Variants in ABCC4 observed in about 807,000 individuals in gnomAD.
The protein encoded by ABCC4 is ATP binding cassette subfamily C member 4 (PEL blood group).
In ABCC4, 102 loss-of-function variants were observed where a neutral mutation model predicts 168.5. That is an observed-to-expected ratio of 0.61 (90% confidence interval 0.52 to 0.71). ABCC4 has a LOEUF of 0.71. Among genes scored for constraint, ABCC4 ranks in the 30% least tolerant of loss-of-function variants. ABCC4 has a pLI of 0.00. For synonymous variants in ABCC4, 617 were observed against 590.7 expected (o/e 1.04, Z -0.65); for missense variants, 1,402 against 1,605.8 (o/e 0.87, Z 2.17).
intron 6 of ABCC4, among the ~76,000 whole-genome samples, chr13:95,208,155 G>A (rs1354941656): frequency 1.3e-5 from 2 of 152,152 alleles, no homozygotes. Context: ...TGCTGAGGAA[G>A]ACATGAAAAT....
At chr13:95,255,931 C>T (rs1214003741) in intron 1 of ABCC4, among the ~76,000 whole-genome samples, 3 of 152,028 alleles carry the variant, frequency 2.0e-5, no homozygotes, top group African/African-American at 7.2e-5. Flanking sequence ...AGGGCCCTCA[C>T]TTTATAATCC....
intron 3 of ABCC4, among the ~76,000 whole-genome samples, chr13:95,242,703 T>C (rs2039981575): frequency 6.6e-6 from 1 of 152,146 alleles, no homozygotes; most frequent in African/African-American, 2.4e-5. Flanking sequence ...GCTTTAATGA[T>C]TGAAAACCCA....
chr13:95,299,944 C>T (rs565840053), intron 1 of ABCC4, among the ~76,000 whole-genome samples: 4 of 152,298 alleles, frequency 2.6e-5, no homozygotes, highest in African/African-American at 9.6e-5. Context: ...TGGGTTCAAG[C>T]AATTCCCCTG....
chr13:95,021,401 A>G lies in ABCC4; in HGVS notation c.*174T>C. ...ACTATTGACATTTAAATAAAAATAA[A>G]CCATTTTGTTAGAGCTGGAGATCCT... On this transcript the variant is annotated 3_prime_UTR_variant, in exon 31 of 31. Transcript: ENST00000645237. The G allele has an allele frequency of 1.8e-6, 1 of 543,914 alleles. No individual in the cohort carries two copies. Among genetic ancestry groups the G allele is most frequent in the Non-Finnish European group, 3.3e-6 (1 of 307,530 alleles). 33.7% of individuals were successfully genotyped at this position (543,914 alleles called of 1,614,324 possible). A position where few individuals can be genotyped will look rare whatever the true frequency, so the allele number is the denominator to read the frequency against.
intron 1 of ABCC4, among the ~76,000 whole-genome samples, chr13:95,271,722 C>T (rs2040852375): frequency 6.6e-6 from 1 of 152,140 alleles, no homozygotes; most frequent in South Asian, 2.1e-4. Flanking sequence ...ATTTATATAA[C>T]AAACAGACAT....
At chr13:95,128,639 A>G (rs1021979272) in intron 19 of ABCC4, among the ~76,000 whole-genome samples, 1 of 152,108 alleles carries the variant, frequency 6.6e-6, no homozygotes, top group Non-Finnish European at 1.5e-5. Context: ...CTCAGAACCT[A>G]CCTTTCACCC....
chr13:95,270,521 C>T lies in ABCC4; in HGVS notation c.75-22768G>A, dbSNP rs533983283. ...GCACAGGGTTTGACTTTATTACCCA[C>T]CTCCTTTGCAGTTTGGTGAGACCCT... On this transcript the variant is annotated intron_variant, in intron 1 of 30. Transcript: ENST00000645237. Among the ~76,000 whole-genome samples, 4 of 152,296 alleles carry T rather than the reference C, an allele frequency of 2.6e-5. No individual in the cohort carries two copies. In the East Asian group the frequency reaches 7.7e-4, roughly 29 times the overall value.
At chr13:95,258,881 G>T (rs1194982889) in intron 1 of ABCC4, among the ~76,000 whole-genome samples, 4 of 152,196 alleles carry the variant, frequency 2.6e-5, no homozygotes, top group African/African-American at 9.7e-5. Context: ...GTACTTTCAG[G>T]TGTGGCAAAT....
At chr13:95,159,093 T>TTATATATATATATATATATATA (rs554884258) in intron 19 of ABCC4, among the ~76,000 whole-genome samples, 5 of 61,028 alleles carry the variant, frequency 8.2e-5, no homozygotes, top group East Asian at 8.1e-4. Context: ...TAAATAAATT[T>TTATATATATATATATATATATA]TATATATATA....
intron 30 of ABCC4, among the ~76,000 whole-genome samples, chr13:95,023,500 G>A (rs1251424245): frequency 1.3e-5 from 2 of 152,176 alleles, no homozygotes; most frequent in Non-Finnish European, 2.9e-5. Context: ...GGATAGACAG[G>A]TCCAGTCTCA....
intron 13 of ABCC4, among the ~76,000 whole-genome samples, chr13:95,171,435 T>TAGTC (rs2037471930): frequency 6.6e-6 from 1 of 151,580 alleles, no homozygotes; most frequent in Non-Finnish European, 1.5e-5. Flanking sequence ...CACACACCTG[T>TAGTC]AGTCCCAGCT....
intron 29 of ABCC4, among the ~76,000 whole-genome samples, chr13:95,035,527 C>T (rs756951149): frequency 1.6e-4 from 25 of 152,314 alleles, no homozygotes; most frequent in Non-Finnish European, 2.9e-4. Flanking sequence ...ACATGGCACA[C>T]GGGGCAGCCC....
At chr13:95,132,633 T>A (rs1287175354) in intron 19 of ABCC4, among the ~76,000 whole-genome samples, 1 of 152,232 alleles carries the variant, frequency 6.6e-6, no homozygotes, top group Non-Finnish European at 1.5e-5. Flanking sequence ...TTTATTGGAT[T>A]GTTTTTCCAA....
rs374277851 is a variant in ABCC4, at chr13:95,086,340, AAAG to A, written c.2536-3053_2536-3051del. Among the ~76,000 whole-genome samples, 57 of 152,352 alleles carry A rather than the reference AAAG, an allele frequency of 3.7e-4. 1 individual carries two copies. Among genetic ancestry groups the A allele is most frequent in the African/African-American group, 5.5e-4 (23 of 41,590 alleles). Reference sequence around the variant, plus strand: ...CAGAAAACAAAATGACTTAAGAAAAAAAGAAGAACCACATTTTAATAAATATAT... The same window carrying A: ...CAGAAAACAAAATGACTTAAGAAAAAAAGAACCACATTTTAATAAATATAT... On this transcript the variant is annotated intron_variant, in intron 20 of 30. Transcript: ENST00000645237.
chr13:95,231,485 G>T (rs930607017), intron 4 of ABCC4, among the ~76,000 whole-genome samples: 3 of 152,154 alleles, frequency 2.0e-5, no homozygotes, highest in African/African-American at 7.2e-5. Flanking sequence ...GCCAGACCGG[G>T]AATCAGGATA....
chr13:95,083,242 G>GA lies in ABCC4; in HGVS notation c.2583dup (p.Pro862SerfsTer67). The GA allele has an allele frequency of 6.2e-7, 1 of 1,613,894 alleles. No homozygotes were observed. On this transcript the variant is annotated frameshift_variant, in exon 21 of 31. Transcript: ENST00000645237. LOFTEE classifies it high-confidence loss of function. Reference sequence around the variant, plus strand: ...GGAACCAAGGGTATTGCGATCCAAGGAATCACGGCCACAGCCACAGAGACC... The same window carrying GA: ...GGAACCAAGGGTATTGCGATCCAAGGAAATCACGGCCACAGCCACAGAGACC...
Position 95,296,878 on chromosome 13 carries a change from G to A in ABCC4, c.74+4363C>T, listed in dbSNP as rs903926808. Among the ~76,000 whole-genome samples, 5 of 152,116 alleles carry A rather than the reference G, an allele frequency of 3.3e-5. No individual in the cohort carries two copies. The East Asian group carries it at 7.7e-4, about 23-fold the overall frequency. On this transcript the variant is annotated intron_variant, in intron 1 of 30. Transcript: ENST00000645237. ...GGAATTATTCAATAAATGATAATGG[G>A]GAAAACGAGCTGTTTGGGGAAAAAA...
intron 1 of ABCC4, among the ~76,000 whole-genome samples, chr13:95,249,846 G>T (rs931633890): frequency 2.0e-5 from 3 of 152,174 alleles, no homozygotes; most frequent in Admixed American, 1.3e-4. Context: ...AGTGAGAATG[G>T]TAACTCTGTT....
chr13:95,255,893 AGCTAATCCAT>A (rs2040380463), intron 1 of ABCC4, among the ~76,000 whole-genome samples: 2 of 152,080 alleles, frequency 1.3e-5, no homozygotes, highest in African/African-American at 4.8e-5. Context: ...TTCTCCCACC[AGCTAATCCAT>A]GCCTTTCACT....
Sources: allele counts gnomAD v4.1 joint callset (sites outside exome capture counted in the v4.1 genomes callset), GRCh38; gene constraint gnomAD v4.1.1; transcripts MANE v1.5; gene names NCBI Gene and HGNC (gene_info 2026-07-23, HGNC 2026-07-21).